The following PTPN3 variants were observed in gnomAD, a reference collection of about 807,000 sequenced individuals.
The protein encoded by PTPN3 is tyrosine-protein phosphatase non-receptor type 3.
In PTPN3, 96 loss-of-function variants were observed where a neutral mutation model predicts 132.7. That is an observed-to-expected ratio of 0.72 (90% CI 0.61 to 0.86). The LOEUF is 0.86. Ranked by LOEUF, PTPN3 falls within the 40% of genes least tolerant of loss-of-function variation. PTPN3 has a pLI of 0.00. For synonymous variants in PTPN3, 398 were observed against 429.0 expected (o/e 0.93, Z 0.89); for missense variants, 1,125 against 1,159.6 (o/e 0.97, Z 0.43).
At chr9:109,398,327 T>C (rs1701036951) in intron 19 of PTPN3, among the ~76,000 whole-genome samples, 1 of 152,362 alleles carries the variant, frequency 6.6e-6, no homozygotes, top group South Asian at 2.1e-4. Flanking sequence ...CATTAATTTC[T>C]ACAGGTGTCA....
intron 7 of PTPN3, among the ~76,000 whole-genome samples, chr9:109,442,252 T>G (rs973193624): frequency 4.6e-5 from 7 of 152,168 alleles, no homozygotes; most frequent in Non-Finnish European, 8.8e-5. Context: ...TTCACCATGT[T>G]GCCCAGGCTG....
chr9:109,515,472 A>G, the PTPN3 span, among the ~76,000 whole-genome samples: 2 of 152,220 alleles, frequency 1.3e-5, no homozygotes, highest in Admixed American at 6.5e-5. Context: ...AGCCATTTAC[A>G]TCATCACCTG....
At chr9:109,497,872 G>T (rs944929870) in intron 1 of PTPN3, among the ~76,000 whole-genome samples, 2 of 151,252 alleles carry the variant, frequency 1.3e-5, no homozygotes, top group African/African-American at 2.4e-5. Context: ...GGGTCCTCCG[G>T]AGGTGCCGGA....
chr9:109,447,724 T>G (rs1588443489), intron 6 of PTPN3, among the ~76,000 whole-genome samples: 1 of 152,140 alleles, frequency 6.6e-6, no homozygotes, highest in Non-Finnish European at 1.5e-5. Flanking sequence ...TCCATTCCCT[T>G]CCATCCAGAC....
intron 19 of PTPN3, among the ~76,000 whole-genome samples, chr9:109,400,172 CCT>C (rs138478846): frequency 0.017 from 2,599 of 152,228 alleles, 64 homozygotes; most frequent in African/African-American, 0.058. Flanking sequence ...AAGTGATCCC[CCT>C]GTTTTGGCCT....
chr9:109,434,443 G>A (rs548064214), intron 9 of PTPN3, among the ~76,000 whole-genome samples: 1 of 150,636 alleles, frequency 6.6e-6, no homozygotes, highest in African/African-American at 2.4e-5. Context: ...AAGTAGCTGG[G>A]ACTACAGGCA....
In PTPN3 at chr9:109,390,219, G is replaced by A. The variant is rs148443563; in HGVS notation, c.2107-840C>T. 4.5e-3 allele frequency among the ~76,000 whole-genome samples: 691 copies of A among 152,294 alleles called. 4 individuals are homozygous for A. Among genetic ancestry groups the A allele is most frequent in the Non-Finnish European group, 7.7e-3 (523 of 68,020 alleles). On this transcript the variant is annotated intron_variant, in intron 21 of 25. Transcript: ENST00000374541. The stretch of plus-strand genomic sequence containing the variant: ...GTCAATGAATCCCATAGATGCTTTG[G>A]AACAGGTGGAATCACTGATGAGACC...
intron 1 of PTPN3, among the ~76,000 whole-genome samples, chr9:109,470,577 T>C (rs1353724791): frequency 1.3e-5 from 2 of 151,574 alleles, no homozygotes; most frequent in Non-Finnish European, 2.9e-5. Flanking sequence ...CTGTCTGTAG[T>C]CCTAGGTATT....
chr9:109,431,541 T>A (rs960808732), intron 10 of PTPN3, among the ~76,000 whole-genome samples: 3 of 152,194 alleles, frequency 2.0e-5, no homozygotes, highest in Non-Finnish European at 4.4e-5. Context: ...GTTTCTTGCT[T>A]CCTCTGAGGG....
At chr9:109,407,469 T>A (rs1345874045) in intron 17 of PTPN3, among the ~76,000 whole-genome samples, 1 of 152,232 alleles carries the variant, frequency 6.6e-6, no homozygotes, top group East Asian at 1.9e-4. Flanking sequence ...CAAGACATCA[T>A]GTTGTACACC....
intron 16 of PTPN3, among the ~76,000 whole-genome samples, chr9:109,409,485 A>G (rs1300028973): frequency 2.6e-5 from 4 of 152,194 alleles, no homozygotes; most frequent in Admixed American, 6.5e-5. Context: ...CCAGGCACAG[A>G]GCAGGCACTT....
At chr9:109,456,036 ATGCAG>A (rs1192768362) in intron 4 of PTPN3, among the ~76,000 whole-genome samples, 83 of 152,336 alleles carry the variant, frequency 5.4e-4, no homozygotes, top group African/African-American at 1.9e-3. Flanking sequence ...AACGCAGAGG[ATGCAG>A]CTCATGGGAG....
intron 16 of PTPN3, among the ~76,000 whole-genome samples, chr9:109,409,011 T>C (rs1588354242): frequency 6.7e-6 from 1 of 150,256 alleles, no homozygotes; most frequent in African/African-American, 2.5e-5. Flanking sequence ...AGCTGGGGGG[T>C]AGGCGACCAC....
chr9:109,504,870 G>T, the PTPN3 span, among the ~76,000 whole-genome samples: 2 of 152,224 alleles, frequency 1.3e-5, no homozygotes, highest in Non-Finnish European at 2.9e-5. Context: ...GCAGCTGACC[G>T]AAACAATCGC....
At chr9:109,521,210 G>C in the PTPN3 span, among the ~76,000 whole-genome samples, 1 of 152,082 alleles carries the variant, frequency 6.6e-6, no homozygotes, top group Admixed American at 6.5e-5. Context: ...CCAGGCTGGA[G>C]TGCAGTGGTG....
chr9:109,488,093 CTT>C (rs766663409), intron 1 of PTPN3, among the ~76,000 whole-genome samples: 107 of 121,130 alleles, frequency 8.8e-4, no homozygotes, highest in Non-Finnish European at 3.7e-4. Context: ...GAGGGAAGTA[CTT>C]TTTTTTTTTT....
At chr9:109,472,802 A>T (rs1053327625) in intron 1 of PTPN3, among the ~76,000 whole-genome samples, 1 of 152,244 alleles carries the variant, frequency 6.6e-6, no homozygotes, top group African/African-American at 2.4e-5. Context: ...ATTAGGTTTT[A>T]ATGTAAACAT....
intron 5 of PTPN3, among the ~76,000 whole-genome samples, chr9:109,451,800 C>T (rs1845264291): frequency 6.6e-6 from 1 of 152,180 alleles, no homozygotes; most frequent in Non-Finnish European, 1.5e-5. Context: ...CAAGTTTGGC[C>T]ACTGGAGGGC....
intron 19 of PTPN3, among the ~76,000 whole-genome samples, chr9:109,397,069 G>C (rs1308209258): frequency 6.6e-6 from 1 of 152,050 alleles, no homozygotes; most frequent in Non-Finnish European, 1.5e-5. Context: ...AAGGGAAAAG[G>C]ACAGGAAAAA....
Sources: allele counts gnomAD v4.1 joint callset (sites outside exome capture counted in the v4.1 genomes callset), GRCh38; gene constraint gnomAD v4.1.1; transcripts MANE v1.5; gene names NCBI Gene and HGNC (gene_info 2026-07-23, HGNC 2026-07-21).